HECW1: variants seen among roughly 807,000 people sequenced by gnomAD.
HECW1 encodes the protein E3 ubiquitin-protein ligase HECW1.
In HECW1, 61 loss-of-function variants were observed where a neutral mutation model predicts 182.3. The observed-to-expected ratio is 0.33, with a 90% CI of 0.27 to 0.41. The LOEUF is 0.41. Among genes scored for constraint, HECW1 ranks in the 10% least tolerant of loss-of-function variants. The probability of loss-of-function intolerance (pLI) is 1.00; values close to 1 mark genes in which losing one functional copy is unlikely to be tolerated. For synonymous variants in HECW1, 859 were observed against 832.6 expected (o/e 1.03, Z -0.55); for missense variants, 1,739 against 2,108.9 (o/e 0.82, Z 3.44).
intron 2 of HECW1, among the ~76,000 whole-genome samples, chr7:43,228,667 A>G (rs1797637311): frequency 6.6e-6 from 1 of 152,220 alleles, no homozygotes. Context: ...ACACAAATGA[A>G]GCAAAATGCA....
intron 23 of HECW1, 102 bp downstream of exon 23, chr7:43,508,233 C>G: frequency 4.3e-6 from 3 of 690,962 alleles, no homozygotes; most frequent in Non-Finnish European, 7.7e-6. Context: ...AGCTGTCAGT[C>G]TTCACCCCAA....
chr7:43,158,872 A>T (rs1264038675), intron 2 of HECW1, among the ~76,000 whole-genome samples: 1 of 152,230 alleles, frequency 6.6e-6, no homozygotes, highest in African/African-American at 2.4e-5. Context: ...ACCCTGACTT[A>T]TGCACCAAGA....
chr7:43,510,745 G>A (rs1489566444), intron 24 of HECW1, among the ~76,000 whole-genome samples: 1 of 152,218 alleles, frequency 6.6e-6, no homozygotes, highest in Non-Finnish European at 1.5e-5. Flanking sequence ...AGAGGAGACG[G>A]TGGCATAGGA....
intron 2 of HECW1, among the ~76,000 whole-genome samples, chr7:43,169,690 C>CTTTTTTTTTTTTTT (rs374141328): frequency 1.8e-5 from 2 of 113,480 alleles, no homozygotes; most frequent in Non-Finnish European, 1.8e-5. Flanking sequence ...TTTTTCTTTT[C>CTTTTTTTTTTTTTT]TTTTTTTTTT....
chr7:43,193,245 G>C (rs1412944704), intron 2 of HECW1, among the ~76,000 whole-genome samples: 1 of 152,168 alleles, frequency 6.6e-6, no homozygotes, highest in East Asian at 1.9e-4. Context: ...GCAGGTTTTG[G>C]CCGGCTCCTT....
chr7:43,419,977 G>C (rs2076130011), intron 8 of HECW1, among the ~76,000 whole-genome samples: 1 of 152,162 alleles, frequency 6.6e-6, no homozygotes, highest in African/African-American at 2.4e-5. Context: ...TTTTAAAAGG[G>C]GCAAAGGCAG....
chr7:43,467,739 G>T (rs2077845603), intron 15 of HECW1, among the ~76,000 whole-genome samples: 1 of 152,150 alleles, frequency 6.6e-6, no homozygotes. Flanking sequence ...CAGCACTTAG[G>T]TCCACCGTGA....
chr7:43,501,216 C>G lies in HECW1; in HGVS notation c.3525C>G (p.Leu1175=). Reference sequence around the variant, plus strand: ...TTTTTTTTTTTTTCATATGCAGTCTCTTTGAAGAAGAGATTATGTCCTACG... The same window carrying G: ...TTTTTTTTTTTTTCATATGCAGTCTGTTTGAAGAAGAGATTATGTCCTACG... ...CDADLVILLS[L]FEEEIMSYVP... Residue 1175 remains leucine (L), a synonymous_variant, in exon 21 of 30, where the codon CTC becomes CTG. Coordinates refer to ENST00000395891, the MANE Select transcript of HECW1 (RefSeq NM_015052.5). 2 of 892,976 alleles carry G rather than the reference C, an allele frequency of 2.2e-6. No homozygotes were observed. The highest frequency in any genetic ancestry group is 3.4e-6 in the Non-Finnish European group (2 of 594,418). The allele number at this position is 892,976 out of a possible 1,614,324, so 55.3% of individuals were successfully genotyped here. A position where few individuals can be genotyped will look rare whatever the true frequency, so the allele number is the denominator to read the frequency against.
chr7:43,153,435 G>C (rs1310186759), intron 2 of HECW1, among the ~76,000 whole-genome samples: 1 of 152,180 alleles, frequency 6.6e-6, no homozygotes, highest in East Asian at 1.9e-4. Context: ...ATTTTGGTTG[G>C]AGTTACATTC....
At chr7:43,555,350 G>A (rs781193812) in intron 29 of HECW1, among the ~76,000 whole-genome samples, 3 of 152,194 alleles carry the variant, frequency 2.0e-5, no homozygotes, top group Non-Finnish European at 2.9e-5. Flanking sequence ...GCTCCAGGCA[G>A]TTTTACAGAA....
intron 2 of HECW1, among the ~76,000 whole-genome samples, chr7:43,218,791 G>A (rs1584024671): frequency 6.6e-6 from 1 of 152,188 alleles, no homozygotes; most frequent in Non-Finnish European, 1.5e-5. Context: ...GATACAACGA[G>A]TGGAGGAACA....
intron 6 of HECW1, among the ~76,000 whole-genome samples, chr7:43,385,188 TCTCCCCTCTCCCCTCCC>T (rs2074718922): frequency 1.9e-5 from 2 of 103,850 alleles, no homozygotes; most frequent in African/African-American, 3.7e-5. Context: ...CACTTGGCAG[TCTCCCCTCTCCCCTCCC>T]CTCCCCTCTC....
chr7:43,155,794 A>G (rs1789820465), intron 2 of HECW1, among the ~76,000 whole-genome samples: 1 of 152,232 alleles, frequency 6.6e-6, no homozygotes, highest in Non-Finnish European at 1.5e-5. Context: ...TTGTGCTCAC[A>G]GGCATGCTGA....
intron 6 of HECW1, among the ~76,000 whole-genome samples, chr7:43,374,769 G>A (rs1298941105): frequency 4.7e-5 from 1 of 21,160 alleles, no homozygotes; most frequent in Non-Finnish European, 6.5e-5. Flanking sequence ...GCTAGACTCC[G>A]TCTCAAAAAA....
At chr7:43,508,639 A>T (rs545953350) in intron 23 of HECW1, 2 of 321,618 alleles carry the variant, frequency 6.2e-6, no homozygotes, top group Non-Finnish European at 1.2e-5. Flanking sequence ...AAATTCTTTT[A>T]TGTGTCCCAC....
intron 3 of HECW1, among the ~76,000 whole-genome samples, chr7:43,309,701 C>T (rs1425049380): frequency 6.6e-6 from 1 of 152,172 alleles, no homozygotes; most frequent in Non-Finnish European, 1.5e-5. Context: ...CCTTTACAAA[C>T]ACACTAGGCT....
chr7:43,237,136 AGGAAGTAGGTAGGTAGGTAGGTAG>A (rs763824273), intron 2 of HECW1, among the ~76,000 whole-genome samples: 16 of 146,660 alleles, frequency 1.1e-4, no homozygotes, highest in East Asian at 2.0e-4. Flanking sequence ...GAAGGAAGGA[AGGAAGTAGGTAGGTAGGTAGGTAG>A]GTAGGTAGGT....
At chr7:43,230,148 T>C (rs575120575) in intron 2 of HECW1, among the ~76,000 whole-genome samples, 126 of 152,338 alleles carry the variant, frequency 8.3e-4, no homozygotes, top group Non-Finnish European at 1.5e-3. Context: ...ATCCCAGCAC[T>C]TGGGGAGACC....
Position 43,492,123 on chromosome 7 carries a change from G to C in HECW1, c.3283G>C (p.Gly1095Arg). 2 of 1,606,054 alleles carry C rather than the reference G, an allele frequency of 1.2e-6. No homozygotes were observed. Among genetic ancestry groups the C allele is most frequent in the Non-Finnish European group, 1.7e-6 (2 of 1,177,872 alleles). The stretch of plus-strand genomic sequence containing the variant: ...AGGAGCCTCTTTACTGGCCAGGCCA[G>C]GACACAGCTTAGTAGCTGCTATTCG... ...NRGASLLARP[G>R]HSLVAAIRSQ... is the part of the protein sequence containing the mutation. Residue 1095 changes from glycine to arginine, a missense_variant, in exon 18 of 30, where the codon GGA (glycine) becomes CGA (arginine). By Grantham distance (125) the Gly-to-Arg change is moderately radical. Coordinates refer to ENST00000395891, the MANE Select transcript of HECW1 (RefSeq NM_015052.5).
Sources: gnomAD v4.1 joint callset for allele counts (sites outside exome capture counted in the v4.1 genomes callset) on GRCh38, gnomAD v4.1.1 for gene constraint, MANE v1.5 for transcripts, NCBI Gene and HGNC (gene_info 2026-07-23, HGNC 2026-07-21) for gene names.